Variants in CADM2 observed in about 807,000 individuals in gnomAD.
CADM2 encodes the protein cell adhesion molecule 2.
Under a neutral mutation model 49.8 loss-of-function variants are expected in CADM2, and 12 were observed. The observed-to-expected ratio is 0.24, with a 90% confidence interval of 0.15 to 0.39. The LOEUF (loss-of-function observed/expected upper bound fraction) is 0.39. Among genes scored for constraint, CADM2 ranks in the 10% least tolerant of loss-of-function variants. CADM2 has a pLI of 1.00. For missense variants in CADM2, 378 were observed against 492.3 expected, an observed-to-expected ratio of 0.77 and a Z score of 2.20; for synonymous variants, 214 against 175.4, an observed-to-expected ratio of 1.22 and a Z score of -1.74.
At position 86,014,919 on chromosome 3, in the gene CADM2, G is replaced by A. The variant is rs1732019030; in HGVS notation, c.971-50686G>A. The A allele has an allele frequency of 5.3e-6, 8 of 1,516,398 alleles. No individual in the cohort carries two copies. In the Admixed American group the frequency reaches 1.4e-4, roughly 26 times the overall value. The allele number at this position is 1,516,398 out of a possible 1,614,324, so 93.9% of individuals were successfully genotyped here. A position where few individuals can be genotyped will look rare whatever the true frequency, so the allele number is the denominator to read the frequency against. ...TCTTCCTGTGATGACGGTTGAGAAT[G>A]AGTGGTATGAAAATGGACGAAAGCG... On this transcript the variant is annotated intron_variant, in intron 8 of 9. Transcript: ENST00000383699.
chr3:85,602,181 T>C (rs777929227), intron 1 of CADM2, among the ~76,000 whole-genome samples: 3 of 151,834 alleles, frequency 2.0e-5, no homozygotes, highest in Non-Finnish European at 4.4e-5. Context: ...AAGCTTTAAA[T>C]AAAATGAGGT....
chr3:85,043,894 A>T (rs548535199), intron 1 of CADM2, among the ~76,000 whole-genome samples: 1 of 152,222 alleles, frequency 6.6e-6, no homozygotes, highest in Admixed American at 6.5e-5. Flanking sequence ...CAAACTTCTA[A>T]TTTTTTGAGT....
chr3:85,091,605 C>A (rs1429332307), intron 1 of CADM2, among the ~76,000 whole-genome samples: 3 of 151,940 alleles, frequency 2.0e-5, no homozygotes, highest in Non-Finnish European at 2.9e-5. Context: ...TGAAAATAAA[C>A]TTATTAAAAC....
chr3:85,690,934 C>G (rs1377723986), intron 1 of CADM2, among the ~76,000 whole-genome samples: 1 of 152,104 alleles, frequency 6.6e-6, no homozygotes, highest in Non-Finnish European at 1.5e-5. Flanking sequence ...CATTCAAAAT[C>G]CTCTCTTCTA....
chr3:85,606,036 T>A (rs2063528475), intron 1 of CADM2, among the ~76,000 whole-genome samples: 1 of 152,102 alleles, frequency 6.6e-6, no homozygotes, highest in African/African-American at 2.4e-5. Flanking sequence ...ATTGGATATT[T>A]GACTTTAATA....
intron 8 of CADM2, among the ~76,000 whole-genome samples, chr3:85,988,258 C>T (rs1006172365): frequency 2.0e-5 from 3 of 152,186 alleles, no homozygotes; most frequent in Non-Finnish European, 4.4e-5. Context: ...TTTCTCTAGA[C>T]TTCAAATAAT....
intron 1 of CADM2, among the ~76,000 whole-genome samples, chr3:84,994,083 C>CT (rs916079983): frequency 1.1e-4 from 16 of 151,726 alleles, no homozygotes; most frequent in Middle Eastern, 3.4e-3. Flanking sequence ...TTCCAGATGC[C>CT]TTTTTTTTGT....
At position 85,654,015 on chromosome 3, in the gene CADM2, T is replaced by G. The variant is rs1204276840; in HGVS notation, c.62-72507T>G. ...GAATTGGCCATCGGATTTATCAATC[T>G]GAAAGCCACTGATGGCCTTGACAAG... is the stretch of plus-strand genomic sequence containing the variant. On this transcript the variant is annotated intron_variant, in intron 1 of 9. Transcript: ENST00000383699. 2.6e-5 allele frequency among the ~76,000 whole-genome samples: 4 copies of G among 152,368 alleles called. No homozygotes were observed. In the East Asian group the frequency reaches 7.7e-4, roughly 29 times the overall value.
intron 1 of CADM2, among the ~76,000 whole-genome samples, chr3:85,068,868 T>G (rs2036622738): frequency 6.6e-6 from 1 of 152,128 alleles, no homozygotes; most frequent in African/African-American, 2.4e-5. Context: ...CCACATCATT[T>G]TCTGAAGATT....
chr3:85,814,183 G>GT (rs1355497852), intron 3 of CADM2, among the ~76,000 whole-genome samples: 4 of 152,226 alleles, frequency 2.6e-5, no homozygotes, highest in East Asian at 1.9e-4. Flanking sequence ...AGCATGGAAT[G>GT]TTTTTTCATT....
At chr3:85,043,497 T>C (rs1253242292) in intron 1 of CADM2, among the ~76,000 whole-genome samples, 3 of 151,812 alleles carry the variant, frequency 2.0e-5, no homozygotes, top group Admixed American at 6.6e-5. Context: ...ATGGGCAACT[T>C]CGTAAGGCCC....
At chr3:85,455,807 G>T (rs1335246702) in intron 1 of CADM2, among the ~76,000 whole-genome samples, 1 of 152,094 alleles carries the variant, frequency 6.6e-6, no homozygotes, top group Non-Finnish European at 1.5e-5. Flanking sequence ...TATGTGATTG[G>T]CTTCGGCATG....
chr3:85,121,678 C>G lies in CADM2; in HGVS notation c.61+162010C>G, dbSNP rs190724023. On this transcript the variant is annotated intron_variant, in intron 1 of 9. Coordinates refer to ENST00000383699, the MANE Select transcript of CADM2 (RefSeq NM_001167675.2). ...TCAATACCATTCATCAGTAATATTA[C>G]CTATCTTCATTCATCAGTAATATTA... Among the ~76,000 whole-genome samples the G allele has an allele frequency of 2.1e-4, 32 of 152,102 alleles. No homozygotes were observed. In the East Asian group the frequency reaches 6.2e-3, roughly 29 times the overall value.
chr3:85,453,931 G>T (rs1481717715), intron 1 of CADM2, among the ~76,000 whole-genome samples: 2 of 151,914 alleles, frequency 1.3e-5, no homozygotes, highest in Non-Finnish European at 2.9e-5. Flanking sequence ...AACTAGAAAC[G>T]GCAATATTTT....
chr3:85,851,404 A>G (rs2075103822), intron 3 of CADM2, among the ~76,000 whole-genome samples: 1 of 152,052 alleles, frequency 6.6e-6, no homozygotes, highest in Non-Finnish European at 1.5e-5. Context: ...CAAGGGTGAA[A>G]GTCCAGCCAC....
intron 1 of CADM2, among the ~76,000 whole-genome samples, chr3:85,637,934 A>G (rs895652629): frequency 3.9e-5 from 6 of 152,200 alleles, no homozygotes; most frequent in Admixed American, 1.3e-4. Flanking sequence ...CAAAGGCATC[A>G]AGGTCCCACA....
At chr3:85,727,119 G>A (rs2067733278) in intron 2 of CADM2, among the ~76,000 whole-genome samples, 1 of 152,046 alleles carries the variant, frequency 6.6e-6, no homozygotes, top group Admixed American at 6.6e-5. Flanking sequence ...GGCTCCATGT[G>A]TCCCAGTTTT....
At chr3:85,316,205 G>A (rs1439056993) in intron 1 of CADM2, among the ~76,000 whole-genome samples, 1 of 152,060 alleles carries the variant, frequency 6.6e-6, no homozygotes, top group Non-Finnish European at 1.5e-5. Context: ...AATATTTCAT[G>A]TCTATGCTTT....
intron 1 of CADM2, among the ~76,000 whole-genome samples, chr3:85,044,610 T>G (rs2035575217): frequency 6.6e-6 from 1 of 152,296 alleles, no homozygotes; most frequent in East Asian, 1.9e-4. Flanking sequence ...AAGTCTTTTC[T>G]GGGCTAAGAT....
Sources: allele counts gnomAD v4.1 joint callset (sites outside exome capture counted in the v4.1 genomes callset), GRCh38; gene constraint gnomAD v4.1.1; transcripts MANE v1.5; gene names NCBI Gene and HGNC (gene_info 2026-07-23, HGNC 2026-07-21).